Variants in SLC24A2 observed in about 807,000 individuals in gnomAD.
The protein encoded by SLC24A2 is sodium/potassium/calcium exchanger 2.
A neutral mutation model predicts 62.0 loss-of-function variants in SLC24A2; 36 were observed. That is an observed-to-expected ratio of 0.58 (90% CI 0.44 to 0.77). SLC24A2 has a LOEUF of 0.77. Ranked by LOEUF, SLC24A2 falls within the 30% of genes least tolerant of loss-of-function variation. SLC24A2 has a pLI of 0.00. For missense variants in SLC24A2, 846 were observed against 817.9 expected, an observed-to-expected ratio of 1.03 and a Z score of -0.42; for synonymous variants, 358 against 294.0, an observed-to-expected ratio of 1.22 and a Z score of -2.23.
chr9:19,766,984 GCCCTGCC>G (rs1822536270), intron 2 of SLC24A2, among the ~76,000 whole-genome samples: 1 of 152,212 alleles, frequency 6.6e-6, no homozygotes, highest in African/African-American at 2.4e-5. Context: ...TTTCAGTGAT[GCCCTGCC>G]CAGAGAGGAG....
At chr9:20,117,882 A>C in the SLC24A2 span, among the ~76,000 whole-genome samples, 1 of 152,168 alleles carries the variant, frequency 6.6e-6, no homozygotes, top group Non-Finnish European at 1.5e-5. Flanking sequence ...TTACAGATGA[A>C]GAAAGAGGGC....
the SLC24A2 span, among the ~76,000 whole-genome samples, chr9:20,166,149 G>A: frequency 0.26 from 39,923 of 151,778 alleles, 6,780 homozygotes; most frequent in African/African-American, 0.49. Flanking sequence ...AAGCTCTGGG[G>A]AAACAAGCAC....
chr9:19,843,152 G>A, the SLC24A2 span, among the ~76,000 whole-genome samples: 1 of 152,134 alleles, frequency 6.6e-6, no homozygotes, highest in Non-Finnish European at 1.5e-5. Context: ...AAGCTAATAT[G>A]TTCTAGTTAG....
At chr9:19,998,719 C>T in the SLC24A2 span, among the ~76,000 whole-genome samples, 2 of 152,224 alleles carry the variant, frequency 1.3e-5, no homozygotes. Flanking sequence ...GCCCATATTG[C>T]TGTGTGCTCT....
At chr9:19,680,184 C>A (rs562422023) in intron 2 of SLC24A2, among the ~76,000 whole-genome samples, 1 of 152,046 alleles carries the variant, frequency 6.6e-6, no homozygotes, top group Admixed American at 6.6e-5. Flanking sequence ...GAAAGTAGGC[C>A]GAGGTCCCTG....
the SLC24A2 span, among the ~76,000 whole-genome samples, chr9:20,119,118 C>A: frequency 1.3e-5 from 2 of 152,022 alleles, no homozygotes; most frequent in Admixed American, 6.6e-5. Context: ...AAGCTAAGGC[C>A]CTCAATTGTA....
intron 9 of SLC24A2, 44 bp from the exon 10 acceptor site, chr9:19,521,104 C>T (rs760157749): frequency 2.5e-6 from 4 of 1,601,036 alleles, no homozygotes; most frequent in Middle Eastern, 1.7e-4. Flanking sequence ...TTTGAAGTTA[C>T]AAAATCATAA....
chr9:20,277,307 A>C, the SLC24A2 span, among the ~76,000 whole-genome samples: 1 of 151,966 alleles, frequency 6.6e-6, no homozygotes, highest in East Asian at 1.9e-4. Flanking sequence ...CAACCTACAG[A>C]ATGGGAGAAA....
Position 19,508,289 on chromosome 9 carries a change from T to C in SLC24A2, c.*7864A>G, listed in dbSNP as rs75978952. The C allele has an allele frequency of 4.6e-5, 7 of 152,246 alleles. No individual in the cohort carries two copies. In the East Asian group the frequency reaches 1.4e-3, roughly 29 times the overall value. 9.4% of individuals were successfully genotyped at this position (152,246 alleles called of 1,614,324 possible). On this transcript the variant is annotated 3_prime_UTR_variant, in exon 11 of 11. Transcript: ENST00000341998. ...TAGAGTCTCAGCCCTTTAGAGAAACTCTTCAGACCACAAAACAGCCTCTAA... is the reference window on the plus strand; with the variant it reads ...TAGAGTCTCAGCCCTTTAGAGAAACCCTTCAGACCACAAAACAGCCTCTAA...
At chr9:19,829,775 G>A in the SLC24A2 span, among the ~76,000 whole-genome samples, 1 of 20,816 alleles carries the variant, frequency 4.8e-5, no homozygotes, top group African/African-American at 9.0e-5. Context: ...ATGTGTGTGT[G>A]TGTGTGTGTG....
chr9:20,261,054 C>T, the SLC24A2 span, among the ~76,000 whole-genome samples: 1 of 151,740 alleles, frequency 6.6e-6, no homozygotes, highest in African/African-American at 2.4e-5. Flanking sequence ...CGGGGTTTCA[C>T]CATATTGGCC....
chr9:20,283,155 C>T, the SLC24A2 span, among the ~76,000 whole-genome samples: 3 of 152,074 alleles, frequency 2.0e-5, no homozygotes, highest in Admixed American at 6.5e-5. Flanking sequence ...TCGGATAGGT[C>T]GAAAAAATCA....
chr9:20,031,272 C>T, the SLC24A2 span, among the ~76,000 whole-genome samples: 179 of 147,798 alleles, frequency 1.2e-3, 1 homozygote, highest in African/African-American at 4.0e-3. Context: ...TGTGTGTGTG[C>T]GCATATATAT....
the SLC24A2 span, among the ~76,000 whole-genome samples, chr9:19,865,519 AG>A: frequency 6.6e-6 from 1 of 152,192 alleles, no homozygotes; most frequent in African/African-American, 2.4e-5. Context: ...ACAATGGAAC[AG>A]AAGAGAGAAC....
At chr9:19,659,744 A>G (rs1292380332) in intron 2 of SLC24A2, among the ~76,000 whole-genome samples, 2 of 152,114 alleles carry the variant, frequency 1.3e-5, no homozygotes. Context: ...AGCTGTGATG[A>G]AAAGTGAGCT....
chr9:19,787,333 T>C (rs1425660653), intron 1 of SLC24A2, among the ~76,000 whole-genome samples: 2 of 152,202 alleles, frequency 1.3e-5, no homozygotes, highest in Non-Finnish European at 2.9e-5. Flanking sequence ...GATGTAAGAA[T>C]AAAAATTTTA....
At chr9:19,763,823 T>G (rs1822423388) in intron 2 of SLC24A2, among the ~76,000 whole-genome samples, 1 of 152,238 alleles carries the variant, frequency 6.6e-6, no homozygotes, top group Non-Finnish European at 1.5e-5. Context: ...GATGCTGGCC[T>G]CATAGAACGA....
chr9:19,561,958 T>C (rs1835424818), intron 7 of SLC24A2, among the ~76,000 whole-genome samples: 3 of 152,196 alleles, frequency 2.0e-5, no homozygotes, highest in Admixed American at 2.0e-4. Context: ...CAAAATATTT[T>C]GTTGTGAGTG....
the SLC24A2 span, among the ~76,000 whole-genome samples, chr9:20,287,564 A>T: frequency 6.6e-6 from 1 of 152,252 alleles, no homozygotes; most frequent in Non-Finnish European, 1.5e-5. Flanking sequence ...CTTTTCACTC[A>T]TACAACGAAC....
Sources: gnomAD v4.1 joint callset for allele counts (sites outside exome capture counted in the v4.1 genomes callset) on GRCh38, gnomAD v4.1.1 for gene constraint, MANE v1.5 for transcripts, NCBI Gene and HGNC (gene_info 2026-07-23, HGNC 2026-07-21) for gene names.